Variants in C1orf87 observed in about 807,000 individuals in gnomAD.
C1orf87 encodes uncharacterized protein C1orf87.
A neutral mutation model predicts 60.5 loss-of-function variants in C1orf87; 58 were observed. That is an observed-to-expected ratio of 0.96 (90% CI 0.78 to 1.19). The LOEUF (loss-of-function observed/expected upper bound fraction) is 1.19. Among genes scored for constraint, C1orf87 ranks in the 50% most tolerant of loss-of-function variants. The pLI is 0.00. For missense variants in C1orf87, 673 were observed against 638.6 expected, an observed-to-expected ratio of 1.05 and a Z score of -0.58; for synonymous variants, 236 against 227.4, an observed-to-expected ratio of 1.04 and a Z score of -0.34.
rs753986731 is a variant in C1orf87, at chr1:60,001,162, C to CA, written c.1193-7dup. 6 of 1,505,694 alleles carry CA rather than the reference C, an allele frequency of 4.0e-6. No homozygotes were observed. The highest frequency in any genetic ancestry group is 2.6e-5 in the South Asian group (2 of 77,360). 93.3% of individuals were successfully genotyped at this position (1,505,694 alleles called of 1,614,324 possible). On this transcript the variant is annotated splice_polypyrimidine_tract_variant and splice_region_variant and intron_variant, in intron 9 of 11. Coordinates refer to ENST00000371201, the MANE Select transcript of C1orf87 (RefSeq NM_152377.3). Reference sequence around the variant, plus strand: ...GGCTTTCTTTTCATTCTTCCCTGAACAAGAATAAAAAAAAAAAAAGGAAGG... The same window carrying CA: ...GGCTTTCTTTTCATTCTTCCCTGAACAAAGAATAAAAAAAAAAAAAGGAAGG...
At chr1:60,002,638 T>G (rs1449272725) in intron 9 of C1orf87, among the ~76,000 whole-genome samples, 1 of 152,214 alleles carries the variant, frequency 6.6e-6, no homozygotes, top group Non-Finnish European at 1.5e-5. Flanking sequence ...TTAGTTTAAT[T>G]AGATCCCATT....
chr1:60,054,462 G>A (rs968758071), intron 3 of C1orf87, among the ~76,000 whole-genome samples: 2 of 152,214 alleles, frequency 1.3e-5, no homozygotes, highest in Non-Finnish European at 1.5e-5. Flanking sequence ...AAATAGTTAT[G>A]TTAGAGTGTA....
intron 2 of C1orf87, among the ~76,000 whole-genome samples, chr1:60,064,475 G>C (rs1645521852): frequency 7.3e-6 from 1 of 137,142 alleles, no homozygotes; most frequent in South Asian, 2.1e-4. Context: ...GTGTGCAATA[G>C]CATTGTCTAA....
intron 1 of C1orf87, among the ~76,000 whole-genome samples, 168 bp from the exon 2 acceptor site, chr1:60,072,838 TATC>T (rs1359281682): frequency 6.6e-6 from 1 of 152,228 alleles, no homozygotes; most frequent in Non-Finnish European, 1.5e-5. Flanking sequence ...TAACTACTAT[TATC>T]ATTTTTGTTT....
At chr1:59,996,875 T>C (rs1644966966) in intron 11 of C1orf87, among the ~76,000 whole-genome samples, 1 of 152,046 alleles carries the variant, frequency 6.6e-6, no homozygotes, top group African/African-American at 2.4e-5. Flanking sequence ...GTGCCAGGGA[T>C]AAACAAGGAA....
chr1:60,064,849 T>A (rs1294571832), intron 2 of C1orf87, among the ~76,000 whole-genome samples: 3 of 87,034 alleles, frequency 3.4e-5, no homozygotes, highest in African/African-American at 4.7e-5. Flanking sequence ...ATTATATATT[T>A]ATATATTTAT....
At chr1:60,066,925 G>A (rs370714928) in intron 2 of C1orf87, among the ~76,000 whole-genome samples, 42 of 152,090 alleles carry the variant, frequency 2.8e-4, no homozygotes, top group African/African-American at 9.6e-4. Flanking sequence ...GAGAACATGT[G>A]GTGTTTGGTT....
At chr1:60,067,653 T>C (rs1253649301) in intron 2 of C1orf87, among the ~76,000 whole-genome samples, 1 of 151,632 alleles carries the variant, frequency 6.6e-6, no homozygotes, top group Admixed American at 6.6e-5. Flanking sequence ...TCGCAAAAAT[T>C]TTCTCCCTTT....
At chr1:59,998,155 G>C (rs190632606) in intron 10 of C1orf87, among the ~76,000 whole-genome samples, 36 of 133,758 alleles carry the variant, frequency 2.7e-4, no homozygotes, top group Non-Finnish European at 4.8e-4. Context: ...GCAGGGGGTA[G>C]ACTTCAGACA....
chr1:60,064,668 T>C (rs1574330070), intron 2 of C1orf87, among the ~76,000 whole-genome samples: 1 of 107,504 alleles, frequency 9.3e-6, no homozygotes, highest in South Asian at 2.4e-4. Flanking sequence ...AATATATAAT[T>C]ATATATAAAT....
chr1:60,025,364 G>C, intron 8 of C1orf87, 37 bp downstream of exon 8: 4 of 1,496,624 alleles, frequency 2.7e-6, no homozygotes, highest in Non-Finnish European at 3.7e-6. Flanking sequence ...AGGGGTGGTG[G>C]ATACAAACAT....
At chr1:59,993,716 C>T (rs1644942311) in intron 11 of C1orf87, among the ~76,000 whole-genome samples, 1 of 148,138 alleles carries the variant, frequency 6.8e-6, no homozygotes, top group Non-Finnish European at 1.5e-5. Context: ...GAAAGCCTGT[C>T]TTTTCTAACC....
Position 60,022,270 on chromosome 1 carries a change from G to A in C1orf87, c.1127+3131C>T, listed in dbSNP as rs76344992. Among the ~76,000 whole-genome samples the A allele has an allele frequency of 9.2e-5, 14 of 152,208 alleles. 2 individuals carry two copies. The East Asian group carries it at 2.7e-3, about 29-fold the overall frequency. On this transcript the variant is annotated intron_variant, in intron 8 of 11. Transcript: ENST00000371201. ...GAGTAGAAACAGAGTTCAGTTAGGA[G>A]GTTATTACAGAAATCCAGGAGAAAG...
chr1:60,043,719 C>CA (rs1645344777), intron 3 of C1orf87, among the ~76,000 whole-genome samples: 1 of 152,094 alleles, frequency 6.6e-6, no homozygotes, highest in Non-Finnish European at 1.5e-5. Context: ...ATATTGTTCA[C>CA]AGGACAATAT....
At chr1:59,997,164 C>A (rs907065739) in intron 11 of C1orf87, among the ~76,000 whole-genome samples, 1 of 152,048 alleles carries the variant, frequency 6.6e-6, no homozygotes, top group South Asian at 2.1e-4. Flanking sequence ...CAGGCGTGTG[C>A]GAGACAAGGC....
intron 5 of C1orf87, among the ~76,000 whole-genome samples, chr1:60,038,803 A>G (rs1046884648): frequency 6.6e-6 from 1 of 152,228 alleles, no homozygotes; most frequent in African/African-American, 2.4e-5. Context: ...ATAGGAAAGG[A>G]CTGAAGGAAT....
rs905998808 is a variant in C1orf87, at chr1:60,039,287, A to G, written c.747+630T>C. ...ATTCTTATTGCTATTATTTCTTCCT[A>G]TTTCAGGGTATTTTCCTCTGGCTCC... On this transcript the variant is annotated intron_variant, in intron 5 of 11. Transcript: ENST00000371201. Among the ~76,000 whole-genome samples the G allele has an allele frequency of 2.6e-5, 4 of 152,174 alleles. No individual in the cohort carries two copies. In the East Asian group the frequency reaches 5.8e-4, roughly 22 times the overall value.
In C1orf87 at chr1:59,990,579, T is replaced by C; in HGVS notation, c.*94A>G. ...GCTGCATCGGCCTCCACTCTGACAA[T>C]GCCTCCGCCACTACACTTAGGCTGG... On this transcript the variant is annotated 3_prime_UTR_variant, in exon 12 of 12. Transcript: ENST00000371201. 3 of 1,445,202 alleles carry C rather than the reference T, an allele frequency of 2.1e-6. No homozygotes were observed. The highest frequency in any genetic ancestry group is 1.9e-6 in the Non-Finnish European group (2 of 1,061,982). 89.5% of individuals were successfully genotyped at this position (1,445,202 alleles called of 1,614,324 possible). A position where few individuals can be genotyped will look rare whatever the true frequency, so the allele number is the denominator to read the frequency against.
At chr1:59,991,815 G>T (rs1185317804) in intron 11 of C1orf87, among the ~76,000 whole-genome samples, 1 of 152,180 alleles carries the variant, frequency 6.6e-6, no homozygotes, top group African/African-American at 2.4e-5. Flanking sequence ...TTTGATGGCT[G>T]TTGGGAGGAG....
Sources: allele counts gnomAD v4.1 joint callset (sites outside exome capture counted in the v4.1 genomes callset), GRCh38; gene constraint gnomAD v4.1.1; transcripts MANE v1.5; gene names NCBI Gene and HGNC (gene_info 2026-07-23, HGNC 2026-07-21).